Variants in GRIP2 observed in about 807,000 individuals in gnomAD.
GRIP2 encodes the protein glutamate receptor interacting protein 2.
Under a neutral mutation model 108.3 loss-of-function variants are expected in GRIP2, and 58 were observed. The observed-to-expected ratio is 0.54, with a 90% CI of 0.43 to 0.67. GRIP2 has a LOEUF of 0.67. Ranked by LOEUF, GRIP2 falls within the 30% of genes least tolerant of loss-of-function variation. GRIP2 has a pLI of 0.00. For missense variants in GRIP2, 1,278 were observed against 1,430.6 expected, an observed-to-expected ratio of 0.89 and a Z score of 1.72; for synonymous variants, 586 against 598.2, an observed-to-expected ratio of 0.98 and a Z score of 0.30.
At chr3:14,600,916 A>G in the GRIP2 span, among the ~76,000 whole-genome samples, 129 of 152,198 alleles carry the variant, frequency 8.5e-4, 2 homozygotes, top group South Asian at 0.025. Context: ...CTCTCAAGAG[A>G]TGTGTTCAGT....
At chr3:14,497,260 C>T (rs543674623) in intron 21 of GRIP2, among the ~76,000 whole-genome samples, 6 of 152,306 alleles carry the variant, frequency 3.9e-5, no homozygotes, top group African/African-American at 1.4e-4. Context: ...AGCCATCATG[C>T]CCAGCCCCAA....
At chr3:14,567,206 G>C in the GRIP2 span, among the ~76,000 whole-genome samples, 1 of 152,262 alleles carries the variant, frequency 6.6e-6, no homozygotes, top group Admixed American at 6.5e-5. Flanking sequence ...GGCAAGGCTA[G>C]GACTCATACC....
At chr3:14,583,121 C>G in the GRIP2 span, among the ~76,000 whole-genome samples, 1 of 152,244 alleles carries the variant, frequency 6.6e-6, no homozygotes, top group South Asian at 2.1e-4. Flanking sequence ...TCCCCTACCC[C>G]TCTCCAGCTT....
In GRIP2 at chr3:14,511,309, T is replaced by G; in HGVS notation, c.1789A>C (p.Thr597Pro). The change falls in exon 16 of 24, where the codon ACG (threonine) becomes CCG (proline). Residue 597 changes from threonine (T) to proline (P), a missense_variant and splice_region_variant. Coordinates refer to ENST00000621039, the MANE Select transcript of GRIP2 (RefSeq NM_001080423.4). This position sits in a 1 kb window ranked among gnomAD's most constrained non-coding sequence, Gnocchi z 4.1. The part of the protein sequence containing the change: ...DIKKGSVAHR[T>P]GTLEPGDKLL... ...TTGTCGCCTGGCTCCAGGGTGCCCG[T>G]CCTGCATGAGTCGGGGGCAGAGGGG... 3 of 1,613,972 alleles carry G rather than the reference T, an allele frequency of 1.9e-6. No homozygotes were observed. Among genetic ancestry groups the G allele is most frequent in the Non-Finnish European group, 2.5e-6 (3 of 1,179,874 alleles).
intron 9 of GRIP2, 75 bp downstream of exon 9, chr3:14,520,035 A>G: frequency 7.2e-7 from 1 of 1,395,350 alleles, no homozygotes; most frequent in South Asian, 1.4e-5. Flanking sequence ...CAGCCTGCCC[A>G]GGGCTCTGGT....
the GRIP2 span, among the ~76,000 whole-genome samples, chr3:14,591,932 G>C: frequency 6.6e-6 from 1 of 152,200 alleles, no homozygotes; most frequent in African/African-American, 2.4e-5. Flanking sequence ...AGCCTCTCGG[G>C]CCTCTGTATC....
At chr3:14,504,256 T>C (rs1693853535) in intron 20 of GRIP2, among the ~76,000 whole-genome samples, 1 of 151,978 alleles carries the variant, frequency 6.6e-6, no homozygotes, top group African/African-American at 2.4e-5. Context: ...ACTTGCTAAT[T>C]ACAAAGGCCT....
the GRIP2 span, among the ~76,000 whole-genome samples, chr3:14,584,132 G>A: frequency 6.6e-6 from 1 of 152,188 alleles, no homozygotes; most frequent in Admixed American, 6.5e-5. Context: ...AGTAGGTGAG[G>A]GGAGTAGCTC....
the GRIP2 span, among the ~76,000 whole-genome samples, chr3:14,564,891 C>A: frequency 2.6e-5 from 4 of 152,182 alleles, no homozygotes; most frequent in South Asian, 4.1e-4. Context: ...GCTGGCCAGG[C>A]CTACCCTGGG....
chr3:14,494,771 G>A (rs1693533946), intron 23 of GRIP2, 72 bp downstream of exon 23: 1 of 1,508,950 alleles, frequency 6.6e-7, no homozygotes, highest in Non-Finnish European at 8.9e-7. Context: ...GGCGATAGAT[G>A]CAGGCTCTTT....
chr3:14,541,869 G>A (rs534024395), upstream of GRIP2: 116 of 1,325,540 alleles, frequency 8.8e-5, no homozygotes, highest in Non-Finnish European at 1.0e-4. Context: ...GGGGGTACAC[G>A]CACTCAATTT....
chr3:14,534,781 T>G lies in GRIP2; in HGVS notation c.40+5488A>C, dbSNP rs1694794395. On this transcript the variant is annotated intron_variant, in intron 1 of 23. Transcript: ENST00000621039. ...TGGGTGGCCTTCTTTTTTATTTTAT[T>G]TCTCTTGAAATCATGGCTAATTTGC... Among the ~76,000 whole-genome samples the G allele has an allele frequency of 1.3e-5, 2 of 152,120 alleles. 1 individual carries two copies. Among genetic ancestry groups the G allele is most frequent in the Non-Finnish European group, 2.9e-5 (2 of 68,020 alleles).
At chr3:14,583,279 C>T in the GRIP2 span, among the ~76,000 whole-genome samples, 43 of 152,182 alleles carry the variant, frequency 2.8e-4, no homozygotes, top group Non-Finnish European at 5.3e-4. Context: ...TGTGATGAGG[C>T]CAGTGCATGA....
chr3:14,525,096 G>A (rs1694517994), intron 3 of GRIP2, among the ~76,000 whole-genome samples: 1 of 152,224 alleles, frequency 6.6e-6, no homozygotes, highest in Non-Finnish European at 1.5e-5. Flanking sequence ...CCTCTGTGTT[G>A]AGTGTGGAGG....
At chr3:14,537,879 G>A (rs368867960) in intron 1 of GRIP2, among the ~76,000 whole-genome samples, 3 of 152,220 alleles carry the variant, frequency 2.0e-5, no homozygotes, top group African/African-American at 4.8e-5. Flanking sequence ...TTGTGGCTGC[G>A]GAGTCAGAGC....
the GRIP2 span, among the ~76,000 whole-genome samples, chr3:14,562,662 T>C: frequency 6.6e-6 from 1 of 152,090 alleles, no homozygotes; most frequent in African/African-American, 2.4e-5. Context: ...ACCACCTTTT[T>C]GCAATCCTAG....
In GRIP2 at chr3:14,522,417, C is replaced by T. The variant is rs1694438122; in HGVS notation, c.566+583G>A. On this transcript the variant is annotated intron_variant, in intron 6 of 23. Transcript: ENST00000621039. The surrounding 1 kb of genome is among the most constrained non-coding windows in gnomAD (Gnocchi z 4.3). ...CTCGGGGGTTCTATGAATAGCTCAT[C>T]ACAGGGCCCTGTCCCAAGGACAGAT... is the stretch of plus-strand genomic sequence containing the variant. 1 of 153,414 alleles carries T rather than the reference C, an allele frequency of 6.5e-6. No individual in the cohort carries two copies. Among genetic ancestry groups the T allele is most frequent in the African/African-American group, 2.4e-5 (1 of 41,456 alleles). The allele number at this position is 153,414 out of a possible 1,614,324, so 9.5% of individuals were successfully genotyped here. A position where few individuals can be genotyped will look rare whatever the true frequency, so the allele number is the denominator to read the frequency against.
At chr3:14,597,938 C>T in the GRIP2 span, among the ~76,000 whole-genome samples, 1 of 152,182 alleles carries the variant, frequency 6.6e-6, no homozygotes, top group Admixed American at 6.5e-5. Flanking sequence ...TTATTAAACC[C>T]AAACAAAAGA....
At chr3:14,506,370 G>A (rs1398161925) in intron 19 of GRIP2, among the ~76,000 whole-genome samples, 3 of 152,206 alleles carry the variant, frequency 2.0e-5, no homozygotes, top group Non-Finnish European at 2.9e-5. Context: ...GAGGGAGCCC[G>A]AGGTGTCTGC....
Sources: gnomAD v4.1 joint callset for allele counts (sites outside exome capture counted in the v4.1 genomes callset) on GRCh38, gnomAD v4.1.1 for gene constraint, Gnocchi (gnomAD v3.1) non-coding constraint, MANE v1.5 for transcripts, NCBI Gene and HGNC (gene_info 2026-07-23, HGNC 2026-07-21) for gene names.